RAD51AP2: variants seen among roughly 807,000 people sequenced by gnomAD.
The protein encoded by RAD51AP2 is RAD51 associated protein 2, also known as RAD51-associated protein 2.
RAD51AP2 carries 67 observed loss-of-function variants against 85.5 expected under a neutral mutation model. The ratio of observed to expected loss-of-function variants is 0.78; its 90% CI spans 0.64 to 0.96. RAD51AP2 has a LOEUF of 0.96. RAD51AP2 is among the 40% of genes least tolerant of loss of function. The probability of loss-of-function intolerance (pLI) is 0.00; values close to 1 mark genes in which losing one functional copy is unlikely to be tolerated. For synonymous variants in RAD51AP2, 474 were observed against 446.5 expected (o/e 1.06, Z -0.78); for missense variants, 1,307 against 1,332.4 (o/e 0.98, Z 0.30).
At chr2:17,530,481 T>C in the RAD51AP2 span, among the ~76,000 whole-genome samples, 3 of 148,128 alleles carry the variant, frequency 2.0e-5, no homozygotes, top group Non-Finnish European at 3.0e-5. Context: ...TTCGGGAGGC[T>C]GAGGTGGGAA....
Position 17,515,380 on chromosome 2 carries a change from C to G in RAD51AP2, c.3036G>C (p.Glu1012Asp). The G allele has an allele frequency of 6.2e-7, 1 of 1,611,790 alleles. No homozygotes were observed. The highest frequency in any genetic ancestry group is 8.5e-7 in the Non-Finnish European group (1 of 1,179,376). ...CAACCATTTTCAAATCTTTTTCTAT[C>G]TCCATTTTTACCTTCTCAGCATCAT... ...GENDAEKVKM[E>D]IEKDLKMVVV... is the part of the protein sequence containing the mutation. Residue 1012 changes from glutamate to aspartate, a missense_variant, in exon 1 of 3, where the codon GAG (glutamate) becomes GAC (aspartate). Physicochemically the swap from Glu to Asp is conservative, Grantham distance 45 (BLOSUM62 2). Transcript: ENST00000399080.
At chr2:17,534,954 T>C in the RAD51AP2 span, among the ~76,000 whole-genome samples, 1 of 152,236 alleles carries the variant, frequency 6.6e-6, no homozygotes, top group South Asian at 2.1e-4. Flanking sequence ...CAACGTAGCA[T>C]TCATTTTGCC....
chr2:17,527,457 A>G, the RAD51AP2 span, among the ~76,000 whole-genome samples: 1 of 152,220 alleles, frequency 6.6e-6, no homozygotes, highest in Non-Finnish European at 1.5e-5. Flanking sequence ...AAAAATTTAT[A>G]TAGTAGCCAA....
At chr2:17,512,351 C>G (rs1662517277) in intron 2 of RAD51AP2, among the ~76,000 whole-genome samples, 1 of 152,198 alleles carries the variant, frequency 6.6e-6, no homozygotes, top group South Asian at 2.1e-4. Context: ...CAACTTTTCT[C>G]TTACACTGTG....
chr2:17,517,315 G>A lies in RAD51AP2; in HGVS notation c.1101C>T (p.Phe367=). ...CCCAATTTGCATTTTCTAGTATAGCGAAATTCTTTCTAGAGTCTCTTACAT... is the reference window on the plus strand; with the variant it reads ...CCCAATTTGCATTTTCTAGTATAGCAAAATTCTTTCTAGAGTCTCTTACAT... The part of the protein sequence containing the change: ...QCNVRDSRKN[F]AILENANWEE... The change falls in exon 1 of 3, where the codon TTC becomes TTT. Residue 367 remains phenylalanine, a synonymous_variant. Transcript: ENST00000399080. 6.2e-7 allele frequency: 1 copy of A among 1,613,894 alleles called. No individual in the cohort carries two copies. Among genetic ancestry groups the A allele is most frequent in the South Asian group, 1.1e-5 (1 of 91,062 alleles).
At chr2:17,513,949 C>T (rs1285422343) in intron 2 of RAD51AP2, 63 bp downstream of exon 2, 2 of 896,804 alleles carry the variant, frequency 2.2e-6, no homozygotes, top group African/African-American at 1.7e-5. Context: ...TTTCCTCATA[C>T]TAAAAATACC....
At chr2:17,511,039 C>G in intron 2 of RAD51AP2, 84 bp from the exon 3 acceptor site, 4 of 813,496 alleles carry the variant, frequency 4.9e-6, no homozygotes, top group Non-Finnish European at 7.3e-6. Context: ...ATATTAGCAA[C>G]TTTTACTGAA....
the RAD51AP2 span, among the ~76,000 whole-genome samples, chr2:17,536,048 T>C: frequency 6.6e-6 from 1 of 151,906 alleles, no homozygotes; most frequent in African/African-American, 2.4e-5. Flanking sequence ...TTTGTTTTAG[T>C]TGGTTGTCTC....
rs1662747463 is a variant in RAD51AP2, at chr2:17,518,017, AGACCTTCCT to A, written c.390_398del (p.Gly131_Ser133del). ...CCTCTCTGTCATGCAGGCCTGCCTCAGACCTTCCTGAAGCCCTCAAATCAGAATCAGGAC... is the reference window on the plus strand; with the variant it reads ...CCTCTCTGTCATGCAGGCCTGCCTCAGAAGCCCTCAAATCAGAATCAGGAC... On this transcript the variant is annotated inframe_deletion, in exon 1 of 3. Transcript: ENST00000399080. 6.2e-7 allele frequency: 1 copy of A among 1,614,072 alleles called. No homozygotes were observed. The highest frequency in any genetic ancestry group is 1.3e-5 in the African/African-American group (1 of 74,920).
Position 17,516,550 on chromosome 2 carries a change from C to T in RAD51AP2, c.1866G>A (p.Val622=), listed in dbSNP as rs1662676463. ...MLYLKYPKNI[V]ENHTAYLVKI... ...TTACTAGATATGCAGTATGATTTTC[C>T]ACTATATTTTTTGGATACTTCAAAT... The change falls in exon 1 of 3, where the codon GTG becomes GTA. Residue 622 remains valine (V), a synonymous_variant. Coordinates refer to ENST00000399080, the MANE Select transcript of RAD51AP2 (RefSeq NM_001099218.3). The T allele has an allele frequency of 6.4e-7, 1 of 1,571,678 alleles. No homozygotes were observed. The highest frequency in any genetic ancestry group is 2.2e-5 in the East Asian group (1 of 44,460).
Position 17,516,482 on chromosome 2 carries a change from G to C in RAD51AP2, c.1934C>G (p.Pro645Arg), listed in dbSNP as rs895656633. 4.5e-6 allele frequency: 7 copies of C among 1,542,546 alleles called. No homozygotes were observed. Among genetic ancestry groups the C allele is most frequent in the Admixed American group, 3.9e-5 (2 of 51,652 alleles). The change falls in exon 1 of 3, where the codon CCT becomes CGT. Residue 645 changes from proline (P) to arginine (R), a missense_variant. Coordinates refer to ENST00000399080, the MANE Select transcript of RAD51AP2 (RefSeq NM_001099218.3). ...AAATAACTTCCTTTTCTTTAACATA[G>C]GTTTCATATTATCTTCTAATAGTCT... The part of the protein sequence containing the change: ...SSRLLEDNMK[P>R]MLKKRKLFRT...
the RAD51AP2 span, among the ~76,000 whole-genome samples, chr2:17,525,327 A>G: frequency 6.6e-6 from 1 of 151,980 alleles, no homozygotes; most frequent in Admixed American, 6.6e-5. Context: ...AATGAAAGAA[A>G]ATGTGACCAA....
At position 17,515,379 on chromosome 2, in the gene RAD51AP2, T is replaced by A; in HGVS notation, c.3037A>T (p.Ile1013Leu). Residue 1013 changes from isoleucine to leucine, a missense_variant, in exon 1 of 3, where the codon ATA becomes TTA. By Grantham distance (5) the Ile-to-Leu change is conservative. Around this residue, in one of 3 missense-constraint regions of RAD51AP2, gnomAD observed 668 missense variants for 671.0 expected, o/e 1.00. Transcript: ENST00000399080. ...ACAACCATTTTCAAATCTTTTTCTA[T>A]CTCCATTTTTACCTTCTCAGCATCA... The part of the protein sequence containing the change: ...ENDAEKVKME[I>L]EKDLKMVVVN... 3 of 1,611,282 alleles carry A rather than the reference T, an allele frequency of 1.9e-6. No individual in the cohort carries two copies. Among genetic ancestry groups the A allele is most frequent in the Admixed American group, 1.7e-5 (1 of 59,456 alleles).
the RAD51AP2 span, among the ~76,000 whole-genome samples, chr2:17,525,671 C>T: frequency 6.6e-6 from 1 of 151,998 alleles, no homozygotes; most frequent in African/African-American, 2.4e-5. Context: ...TGCCTGAGGT[C>T]ATTCATGCTC....
upstream of RAD51AP2, chr2:17,518,453 G>C (rs77886839): frequency 0.03 from 48,137 of 1,582,664 alleles, 821 homozygotes; most frequent in Middle Eastern, 0.044. Flanking sequence ...GTCCCGGCGG[G>C]GCTCCAATCC....
chr2:17,511,643 C>A (rs1662498008), intron 2 of RAD51AP2, among the ~76,000 whole-genome samples: 1 of 152,002 alleles, frequency 6.6e-6, no homozygotes, highest in Admixed American at 6.5e-5. Flanking sequence ...AAATGTAAAT[C>A]AAACTTTATT....
chr2:17,510,731 C>G lies in RAD51AP2; in HGVS notation c.*73G>C. The G allele has an allele frequency of 3.7e-6, 4 of 1,085,998 alleles. No individual in the cohort carries two copies. In the African/African-American group the frequency reaches 4.9e-5, roughly 13 times the overall value. 67.3% of individuals were successfully genotyped at this position (1,085,998 alleles called of 1,614,324 possible). A position where few individuals can be genotyped will look rare whatever the true frequency, so the allele number is the denominator to read the frequency against. On this transcript the variant is annotated 3_prime_UTR_variant, in exon 3 of 3. Coordinates refer to ENST00000399080, the MANE Select transcript of RAD51AP2 (RefSeq NM_001099218.3). ...TATAATAAAGCAAGCCCCAAACCCC[C>G]AAGCTGGAAGAACATATATCCAAAG...
the RAD51AP2 span, among the ~76,000 whole-genome samples, chr2:17,523,890 AATC>A: frequency 6.6e-6 from 1 of 151,936 alleles, no homozygotes; most frequent in African/African-American, 2.4e-5. Context: ...ATAATCATTG[AATC>A]ATAATATAAT....
chr2:17,528,789 A>G, the RAD51AP2 span, among the ~76,000 whole-genome samples: 1 of 152,176 alleles, frequency 6.6e-6, no homozygotes, highest in Non-Finnish European at 1.5e-5. Flanking sequence ...GGATGTAGTG[A>G]GCCGTGATTG....
Sources: gnomAD v4.1 joint callset for allele counts (sites outside exome capture counted in the v4.1 genomes callset) on GRCh38, gnomAD v4.1.1 for gene constraint, gnomAD v4.1.1 regional missense constraint, MANE v1.5 for transcripts, NCBI Gene and HGNC (gene_info 2026-07-23, HGNC 2026-07-21) for gene names.